IMPG1: variants seen among roughly 807,000 people sequenced by gnomAD.
The protein encoded by IMPG1 is interphotoreceptor matrix proteoglycan of 150 kDa.
In IMPG1, 85 loss-of-function variants were observed where a neutral mutation model predicts 92.0. That is an observed-to-expected ratio of 0.92 (90% CI 0.78 to 1.11). The LOEUF (loss-of-function observed/expected upper bound fraction) is 1.11. Ranked by LOEUF, IMPG1 falls within the 50% of genes least tolerant of loss-of-function variation. The probability of loss-of-function intolerance (pLI) is 0.00; values close to 1 mark genes in which losing one functional copy is unlikely to be tolerated. For synonymous variants in IMPG1, 367 were observed against 334.1 expected (o/e 1.10, Z -1.08); for missense variants, 1,022 against 956.0 (o/e 1.07, Z -0.91).
At chr6:76,009,777 C>A (rs371327933) in intron 8 of IMPG1, among the ~76,000 whole-genome samples, 5 of 152,248 alleles carry the variant, frequency 3.3e-5, no homozygotes, top group African/African-American at 1.2e-4. Flanking sequence ...TTTTGGTTTA[C>A]TTCTAAAACA....
At chr6:76,064,839 A>G (rs1425080377) in intron 1 of IMPG1, among the ~76,000 whole-genome samples, 1 of 152,084 alleles carries the variant, frequency 6.6e-6, no homozygotes, top group African/African-American at 2.4e-5. Context: ...GAACTGCACA[A>G]CCTAATACAC....
intron 2 of IMPG1, 142 bp downstream of exon 2, chr6:76,041,751 C>T: frequency 1.6e-6 from 1 of 629,994 alleles, no homozygotes; most frequent in South Asian, 2.0e-5. Flanking sequence ...TCATTACTAT[C>T]AGATTATCAC....
chr6:76,038,461 A>G (rs976280092), intron 2 of IMPG1, among the ~76,000 whole-genome samples: 7 of 152,056 alleles, frequency 4.6e-5, no homozygotes, highest in African/African-American at 1.7e-4. Context: ...AGCTTCTCAC[A>G]AGCCAGGAGG....
chr6:75,990,613 A>T (rs1782798794), intron 12 of IMPG1, among the ~76,000 whole-genome samples: 1 of 151,748 alleles, frequency 6.6e-6, no homozygotes, highest in Non-Finnish European at 1.5e-5. Flanking sequence ...ACACACACAC[A>T]CACACACATA....
intron 1 of IMPG1, among the ~76,000 whole-genome samples, chr6:76,045,371 A>C (rs1783920303): frequency 6.6e-6 from 1 of 151,698 alleles, no homozygotes; most frequent in Admixed American, 6.6e-5. Flanking sequence ...CCAAGCTACA[A>C]CTACTTCCAT....
chr6:75,974,408 C>CCTTCCTTCCTTGCTTG (rs1402619133), intron 12 of IMPG1, among the ~76,000 whole-genome samples: 4 of 123,030 alleles, frequency 3.3e-5, no homozygotes, highest in African/African-American at 9.0e-5. Flanking sequence ...TTCTTTCCTT[C>CCTTCCTTCCTTGCTTG]CTTCCTTCCT....
chr6:76,005,509 T>G lies in IMPG1; in HGVS notation c.913A>C (p.Thr305Pro). The change falls in exon 10 of 17, where the codon ACG becomes CCG. Residue 305 changes from threonine to proline, a missense_variant. By Grantham distance (38) the Thr-to-Pro change is conservative. Transcript: ENST00000369950. ...DGSSSTEMQLTAIFKRHSAEA... is the reference protein window; with the variant it reads ...DGSSSTEMQLPAIFKRHSAEA... ...GCACTGTGTCTCTTAAAGATGGCCG[T>G]AAGTTGCATCTCTGTGGAGCTTGAG... The G allele has an allele frequency of 3.7e-6, 6 of 1,613,980 alleles. No homozygotes were observed. Among genetic ancestry groups the G allele is most frequent in the Non-Finnish European group, 5.1e-6 (6 of 1,179,928 alleles).
At chr6:76,013,542 C>A (rs1783229372) in intron 7 of IMPG1, among the ~76,000 whole-genome samples, 1 of 152,106 alleles carries the variant, frequency 6.6e-6, no homozygotes, top group South Asian at 2.1e-4. Context: ...TCAATTATTT[C>A]TTCTCTCTAC....
At chr6:75,925,393 T>A (rs184676851) in intron 15 of IMPG1, among the ~76,000 whole-genome samples, 1 of 152,328 alleles carries the variant, frequency 6.6e-6, no homozygotes, top group East Asian at 1.9e-4. Flanking sequence ...TCTTCCTATA[T>A]ATATATATTC....
At chr6:75,989,323 C>T (rs1782776273) in intron 12 of IMPG1, among the ~76,000 whole-genome samples, 1 of 152,114 alleles carries the variant, frequency 6.6e-6, no homozygotes, top group Non-Finnish European at 1.5e-5. Flanking sequence ...ACATAAGATG[C>T]TTAAAACAAA....
At chr6:76,057,116 C>A (rs544859649) in intron 1 of IMPG1, among the ~76,000 whole-genome samples, 1 of 151,840 alleles carries the variant, frequency 6.6e-6, no homozygotes, top group Non-Finnish European at 1.5e-5. Context: ...GGATACATGT[C>A]GGGGAACAAC....
chr6:75,971,682 T>C (rs980282132), intron 12 of IMPG1, among the ~76,000 whole-genome samples: 1 of 152,178 alleles, frequency 6.6e-6, no homozygotes, highest in Non-Finnish European at 1.5e-5. Context: ...TGTGAAAAAC[T>C]TCAGTGTCTT....
chr6:75,977,597 A>AG (rs1194130033), intron 12 of IMPG1, among the ~76,000 whole-genome samples: 3 of 151,890 alleles, frequency 2.0e-5, no homozygotes, highest in African/African-American at 7.3e-5. Context: ...CAAAAAAAAA[A>AG]AAAACAAAAA....
chr6:76,016,786 T>C (rs1783297447), intron 7 of IMPG1, among the ~76,000 whole-genome samples: 1 of 152,166 alleles, frequency 6.6e-6, no homozygotes, highest in Admixed American at 6.5e-5. Flanking sequence ...ATACAAACAA[T>C]TACTGAGTAG....
rs748397771 is a variant in IMPG1 at position 76,005,521 on chromosome 6, C to T, written c.901G>A (p.Glu301Lys). The change falls in exon 10 of 17, where the codon GAG (glutamate) becomes AAG (lysine). Residue 301 changes from glutamate to lysine, a missense_variant. Glu to Lys is a moderately conservative substitution (Grantham distance 56). This residue lies in a region of IMPG1 where 681 missense variants were observed against 583.6 expected (regional missense o/e 1.17). Transcript: ENST00000369950. ...TTAAAGATGGCCGTAAGTTGCATCT[C>T]TGTGGAGCTTGAGCTGTAGATAGCA... ...KKEKDGSSSTEMQLTAIFKRH... is the reference protein window; with the variant it reads ...KKEKDGSSSTKMQLTAIFKRH... 3 of 1,613,924 alleles carry T rather than the reference C, an allele frequency of 1.9e-6. No homozygotes were observed. Among genetic ancestry groups the T allele is most frequent in the Non-Finnish European group, 2.5e-6 (3 of 1,179,908 alleles).
chr6:75,991,622 C>T (rs533802493), intron 12 of IMPG1, among the ~76,000 whole-genome samples: 1 of 152,250 alleles, frequency 6.6e-6, no homozygotes, highest in East Asian at 1.9e-4. Context: ...TTCTGAACAA[C>T]CTTCTCTCTA....
intron 12 of IMPG1, among the ~76,000 whole-genome samples, chr6:75,964,680 A>G (rs903206828): frequency 2.5e-4 from 37 of 149,764 alleles, no homozygotes; most frequent in African/African-American, 9.0e-4. Flanking sequence ...AGTCTCAAAA[A>G]AAAAAAAAAA....
chr6:76,013,992 T>C (rs1783237072), intron 7 of IMPG1, among the ~76,000 whole-genome samples: 2 of 152,164 alleles, frequency 1.3e-5, no homozygotes, highest in African/African-American at 4.8e-5. Context: ...GGAATCACAG[T>C]GATGAAGGTA....
chr6:76,028,124 T>A (rs1783582354), intron 4 of IMPG1, among the ~76,000 whole-genome samples: 1 of 152,230 alleles, frequency 6.6e-6, no homozygotes, highest in Non-Finnish European at 1.5e-5. Context: ...AATATCTAAA[T>A]GTATGCTATC....
Sources: gnomAD v4.1 joint callset for allele counts (sites outside exome capture counted in the v4.1 genomes callset) on GRCh38, gnomAD v4.1.1 for gene constraint, gnomAD v4.1.1 regional missense constraint, MANE v1.5 for transcripts, NCBI Gene and HGNC (gene_info 2026-07-23, HGNC 2026-07-21) for gene names.